Variants in LRRC7 observed in about 807,000 individuals in gnomAD.
LRRC7 encodes leucine-rich repeat-containing protein 7.
LRRC7 carries 23 observed loss-of-function variants against 175.7 expected under a neutral mutation model. The ratio of observed to expected loss-of-function variants is 0.13; its 90% CI spans 0.09 to 0.19. The LOEUF is 0.19. Among genes scored for constraint, LRRC7 ranks in the 10% least tolerant of loss-of-function variants. The pLI, the probability that LRRC7 is intolerant of heterozygous loss-of-function variation, is 1.00. For synonymous variants in LRRC7, 685 were observed against 680.9 expected, an observed-to-expected ratio of 1.01 and a Z score of -0.09; for missense variants, 1,354 against 1,904.7, an observed-to-expected ratio of 0.71 and a Z score of 5.38.
intron 2 of LRRC7, among the ~76,000 whole-genome samples, chr1:69,689,278 G>T (rs1039797193): frequency 6.6e-5 from 10 of 152,124 alleles, no homozygotes; most frequent in Admixed American, 5.9e-4. Flanking sequence ...GCTCAGAAAG[G>T]TTCAGTAATT....
At chr1:69,608,177 A>T (rs958566589) in intron 1 of LRRC7, 1 of 152,340 alleles carries the variant, frequency 6.6e-6, no homozygotes, top group South Asian at 2.1e-4. Flanking sequence ...AGTGTCGGTG[A>T]TTATTTAGCA....
intron 2 of LRRC7, among the ~76,000 whole-genome samples, chr1:69,756,547 T>TGATTTTTTTTAATCTA (rs1670453071): frequency 6.6e-6 from 1 of 151,704 alleles, no homozygotes; most frequent in Non-Finnish European, 1.5e-5. Context: ...AAATAGGATT[T>TGATTTTTTTTAATCTA]TGAATAAGAA....
chr1:70,035,596 G>A (rs988094087), intron 18 of LRRC7, among the ~76,000 whole-genome samples: 6 of 119,658 alleles, frequency 5.0e-5, no homozygotes, highest in African/African-American at 6.9e-5. Flanking sequence ...TATAGGACCC[G>A]ACAGTGAAGT....
chr1:69,705,340 T>C (rs901524565), intron 2 of LRRC7, among the ~76,000 whole-genome samples: 1 of 152,282 alleles, frequency 6.6e-6, no homozygotes, highest in South Asian at 2.1e-4. Context: ...AGCAGAGCTC[T>C]TAAAGCTTCT....
chr1:69,651,862 G>C, intron 1 of LRRC7, among the ~76,000 whole-genome samples: 1 of 152,086 alleles, frequency 6.6e-6, no homozygotes, highest in Non-Finnish European at 1.5e-5. Flanking sequence ...CTCATTCAGA[G>C]CACTGACAGA....
chr1:70,077,161 T>C (rs1221085205), intron 24 of LRRC7, among the ~76,000 whole-genome samples: 1 of 152,162 alleles, frequency 6.6e-6, no homozygotes, highest in Non-Finnish European at 1.5e-5. Flanking sequence ...CAAAATTAAC[T>C]TCATTCTCCA....
chr1:69,662,117 T>A (rs1421136814), intron 1 of LRRC7, among the ~76,000 whole-genome samples: 1 of 152,090 alleles, frequency 6.6e-6, no homozygotes, highest in African/African-American at 2.4e-5. Flanking sequence ...GACAAGTGGG[T>A]CTTAATTTCT....
intron 1 of LRRC7, among the ~76,000 whole-genome samples, chr1:69,649,853 A>G (rs1404808403): frequency 9.3e-5 from 6 of 64,764 alleles, no homozygotes; most frequent in East Asian, 2.1e-4. Flanking sequence ...AAAGTGATTG[A>G]AAAAAAAAAA....
chr1:70,109,653 C>A (rs935849757), intron 26 of LRRC7, among the ~76,000 whole-genome samples: 1 of 152,142 alleles, frequency 6.6e-6, no homozygotes, highest in Admixed American at 6.5e-5. Context: ...GCCTCAAATT[C>A]ATTATGTGTA....
At chr1:69,994,536 TAATC>T in intron 10 of LRRC7, 21 bp from the exon 11 acceptor site, 1 of 1,476,138 alleles carries the variant, frequency 6.8e-7, no homozygotes. Flanking sequence ...TCTTATGTAT[TAATC>T]AACCTTCTTC....
intron 7 of LRRC7, among the ~76,000 whole-genome samples, chr1:69,889,416 T>C (rs1270863634): frequency 6.6e-6 from 1 of 152,238 alleles, no homozygotes; most frequent in Admixed American, 6.5e-5. Flanking sequence ...CAAACATTTG[T>C]GGCTACTTTA....
chr1:69,879,212 TAAAAAAAAAAAAA>T (rs201332183), intron 7 of LRRC7, among the ~76,000 whole-genome samples: 16 of 91,978 alleles, frequency 1.7e-4, no homozygotes, highest in Admixed American at 9.0e-4. Context: ...AAAACTGCTT[TAAAAAAAAAAAAA>T]AAAAAAAAAA....
rs565226406 is a variant in LRRC7, at chr1:69,750,819, G to A, written c.101-9372G>A. ...AAGGCATTAATCCATTCATGAGGGCGGGGTCTTCATGACTTAGTCACTTCT... is the reference window on the plus strand; with the variant it reads ...AAGGCATTAATCCATTCATGAGGGCAGGGTCTTCATGACTTAGTCACTTCT... On this transcript the variant is annotated intron_variant, in intron 2 of 26. Coordinates refer to ENST00000651989, the MANE Select transcript of LRRC7 (RefSeq NM_001370785.2). Among the ~76,000 whole-genome samples, 10 of 152,244 alleles carry A rather than the reference G, an allele frequency of 6.6e-5. 1 individual carries two copies. In the South Asian group the frequency reaches 1.0e-3, roughly 16 times the overall value.
intron 2 of LRRC7, among the ~76,000 whole-genome samples, chr1:69,720,169 C>T (rs1014842667): frequency 6.6e-5 from 10 of 151,538 alleles, no homozygotes; most frequent in Non-Finnish European, 1.5e-4. Context: ...TTTAACTCAC[C>T]TACTTATATT....
At position 69,717,841 on chromosome 1, in the gene LRRC7, A is replaced by G. The variant is rs373939502; in HGVS notation, c.100+39363A>G. On this transcript the variant is annotated intron_variant, in intron 2 of 26. Coordinates refer to ENST00000651989, the MANE Select transcript of LRRC7 (RefSeq NM_001370785.2). The stretch of plus-strand genomic sequence containing the variant: ...AAGAAAGAAAGAAAGAAAGAAAGAA[A>G]AAAGAAAGAAAGGAAAGAAAGAAAG... Among the ~76,000 whole-genome samples, 119 of 19,286 alleles carry G rather than the reference A, an allele frequency of 6.2e-3. 5 individuals carry two copies. Among genetic ancestry groups the G allele is most frequent in the East Asian group, 0.045 (26 of 582 alleles). 12.7% of individuals were successfully genotyped at this position (19,286 alleles called of 152,430 possible).
chr1:69,764,730 CAGATAGATAGATAGATAGATAGAT>C (rs112836690), intron 3 of LRRC7, among the ~76,000 whole-genome samples: 2 of 140,300 alleles, frequency 1.4e-5, no homozygotes, highest in Non-Finnish European at 3.1e-5. Context: ...GATAGATAGA[CAGATAGATAGATAGATAGATAGAT>C]AGATAGATAG....
At chr1:69,736,949 T>C in intron 2 of LRRC7, among the ~76,000 whole-genome samples, 1 of 152,182 alleles carries the variant, frequency 6.6e-6, no homozygotes, top group South Asian at 2.1e-4. Context: ...GAGTTAAAGG[T>C]GACCTTTTTG....
chr1:69,989,502 T>C (rs1269087251), intron 10 of LRRC7, among the ~76,000 whole-genome samples: 1 of 152,080 alleles, frequency 6.6e-6, no homozygotes, highest in Admixed American at 6.5e-5. Context: ...AAGTATGATA[T>C]AGTCAGGTAT....
chr1:69,986,455 T>A, intron 10 of LRRC7, 69 bp downstream of exon 10: 1 of 1,387,080 alleles, frequency 7.2e-7, no homozygotes, highest in African/African-American at 1.4e-5. Flanking sequence ...GAAGTATAGT[T>A]TGTCTATAGA....
Sources: gnomAD v4.1 joint callset for allele counts (sites outside exome capture counted in the v4.1 genomes callset) on GRCh38, gnomAD v4.1.1 for gene constraint, MANE v1.5 for transcripts, NCBI Gene and HGNC (gene_info 2026-07-23, HGNC 2026-07-21) for gene names.